PDS5B: variants seen among roughly 807,000 people sequenced by gnomAD.
The protein encoded by PDS5B is PDS5 cohesin associated factor B, also known as sister chromatid cohesion protein PDS5 homolog B.
A neutral mutation model predicts 184.1 loss-of-function variants in PDS5B; 51 were observed. The ratio of observed to expected loss-of-function variants is 0.28; its 90% CI spans 0.22 to 0.35. The LOEUF (loss-of-function observed/expected upper bound fraction) is 0.35. Ranked by LOEUF, PDS5B falls within the 10% of genes least tolerant of loss-of-function variation. The pLI is 1.00. For synonymous variants in PDS5B, 566 were observed against 569.2 expected (o/e 0.99, Z 0.08); for missense variants, 1,180 against 1,723.3 (o/e 0.68, Z 5.58).
At chr13:32,613,072 A>G (rs2140514117) in intron 1 of PDS5B, among the ~76,000 whole-genome samples, 1 of 152,320 alleles carries the variant, frequency 6.6e-6, no homozygotes, top group East Asian at 1.9e-4. Flanking sequence ...TTTAGCATGT[A>G]TCAGTACTTC....
intron 2 of PDS5B, chr13:32,650,606 T>C (rs1298544532): frequency 6.6e-6 from 1 of 152,158 alleles, no homozygotes; most frequent in Non-Finnish European, 1.5e-5. Flanking sequence ...CCTAAACATA[T>C]AGGCAATCAA....
rs1017034122 is a variant in PDS5B at position 32,675,694 on chromosome 13, T to G, written c.847-150T>G. 8.3e-5 allele frequency: 44 copies of G among 531,510 alleles called. No homozygotes were observed. The Admixed American group carries it at 1.4e-3, about 16-fold the overall frequency. The allele number at this position is 531,510 out of a possible 1,614,324, so 32.9% of individuals were successfully genotyped here. On this transcript the variant is annotated intron_variant, in intron 8 of 34. Transcript: ENST00000315596. Reference sequence around the variant, plus strand: ...ATGACATTTAATTTTGTGAAAAGTATAGTGAGCATTTTTATGTAATTTTTC... The same window carrying G: ...ATGACATTTAATTTTGTGAAAAGTAGAGTGAGCATTTTTATGTAATTTTTC...
At chr13:32,638,252 A>G (rs779098577) in intron 1 of PDS5B, among the ~76,000 whole-genome samples, 1 of 152,240 alleles carries the variant, frequency 6.6e-6, no homozygotes, top group Non-Finnish European at 1.5e-5. Context: ...AAAGAGTCAT[A>G]ACGCCATCTC....
intron 17 of PDS5B, among the ~76,000 whole-genome samples, chr13:32,701,897 T>G (rs919671683): frequency 6.6e-6 from 1 of 152,122 alleles, no homozygotes; most frequent in African/African-American, 2.4e-5. Context: ...GAAAATGTTG[T>G]TTTTTAAAAC....
intron 25 of PDS5B, among the ~76,000 whole-genome samples, chr13:32,755,020 C>T (rs1721345945): frequency 6.6e-6 from 1 of 151,798 alleles, no homozygotes; most frequent in African/African-American, 2.4e-5. Flanking sequence ...TTTTTCTTTC[C>T]ACGTCGGCCT....
chr13:32,673,207 C>T lies in PDS5B; in HGVS notation c.706-9C>T, dbSNP rs767123072. 5.0e-5 allele frequency: 81 copies of T among 1,608,576 alleles called. No homozygotes were observed. Among genetic ancestry groups the T allele is most frequent in the Non-Finnish European group, 6.7e-5 (79 of 1,178,164 alleles). The stretch of plus-strand genomic sequence containing the variant: ...TCTACTAATGATAGGCTTTCTTTCT[C>T]CTCAAAAGTTTTTTAATCAGGTTCT... On this transcript the variant is annotated splice_polypyrimidine_tract_variant and intron_variant, in intron 7 of 34. Transcript: ENST00000315596.
intron 6 of PDS5B, among the ~76,000 whole-genome samples, chr13:32,665,652 ATTTCT>A (rs1566302520): frequency 6.6e-6 from 1 of 150,420 alleles, no homozygotes; most frequent in Non-Finnish European, 1.5e-5. Context: ...ATAGGAATGA[ATTTCT>A]TAAGAAAGCT....
At chr13:32,598,641 T>C (rs1009703583) in intron 1 of PDS5B, among the ~76,000 whole-genome samples, 1 of 152,154 alleles carries the variant, frequency 6.6e-6, no homozygotes, top group African/African-American at 2.4e-5. Context: ...TTTCCTTTAA[T>C]GTTGCATAAT....
intron 8 of PDS5B, among the ~76,000 whole-genome samples, chr13:32,674,677 T>G (rs1951020332): frequency 6.6e-6 from 1 of 151,736 alleles, no homozygotes. Context: ...CCAGATATTA[T>G]AAGTGTCATA....
chr13:32,770,091 C>A (rs764525512), intron 31 of PDS5B, 30 bp from the exon 32 acceptor site: 107 of 1,541,524 alleles, frequency 6.9e-5, no homozygotes, highest in Non-Finnish European at 7.7e-5. Context: ...AATTTCATAA[C>A]CATAAATTGT....
Position 32,735,201 on chromosome 13 carries a change from C to G in PDS5B, c.2277C>G (p.Asn759Lys), listed in dbSNP as rs1390006441. 6.2e-7 allele frequency: 1 copy of G among 1,607,412 alleles called. No individual in the cohort carries two copies. Among genetic ancestry groups the G allele is most frequent in the African/African-American group, 1.3e-5 (1 of 74,900 alleles). ...TGCATAAGAGCCTAGATCCAAGCAA[C>G]CTGGAACATCTCATAACACCATTGG... Reference protein sequence around the residue: ...EPLHKSLDPSNLEHLITPLVT... With the variant: ...EPLHKSLDPSKLEHLITPLVT... Residue 759 changes from asparagine to lysine, a missense_variant, in exon 21 of 35, where the codon AAC becomes AAG. Asn to Lys is a moderately conservative substitution (Grantham distance 94). This residue lies in a region of PDS5B where 475 missense variants were observed against 691.5 expected (regional missense o/e 0.69). Coordinates refer to ENST00000315596, the MANE Select transcript of PDS5B (RefSeq NM_015032.4).
At position 32,775,689 on chromosome 13, in the gene PDS5B, T is replaced by C. The variant is rs751511144; in HGVS notation, c.*637T>C. The stretch of plus-strand genomic sequence containing the variant: ...GAGGACAACCATGCAAATTGTGAAA[T>C]AGTCCTGAAGTTCTTGGATTACTTT... On this transcript the variant is annotated 3_prime_UTR_variant, in exon 35 of 35. Coordinates refer to ENST00000315596, the MANE Select transcript of PDS5B (RefSeq NM_015032.4). The C allele has an allele frequency of 6.6e-6, 3 of 456,164 alleles. No individual in the cohort carries two copies. The highest frequency in any genetic ancestry group is 1.3e-5 in the Non-Finnish European group (3 of 226,692). 28.3% of individuals were successfully genotyped at this position (456,164 alleles called of 1,614,324 possible).
chr13:32,680,331 G>A (rs1951204659), intron 10 of PDS5B, among the ~76,000 whole-genome samples: 1 of 152,294 alleles, frequency 6.6e-6, no homozygotes, highest in South Asian at 2.1e-4. Flanking sequence ...ACATGGTTGG[G>A]TCTGTCAACT....
chr13:32,625,007 A>G (rs1348998359), intron 1 of PDS5B, among the ~76,000 whole-genome samples: 1 of 152,142 alleles, frequency 6.6e-6, no homozygotes, highest in Non-Finnish European at 1.5e-5. Flanking sequence ...ATGTGATAAC[A>G]GTTTTCTGCT....
intron 17 of PDS5B, among the ~76,000 whole-genome samples, chr13:32,706,537 GC>G (rs1952024833): frequency 1.3e-5 from 2 of 152,016 alleles, no homozygotes; most frequent in African/African-American, 4.8e-5. Flanking sequence ...GTTTGGAAGT[GC>G]TTAATGTTTC....
At chr13:32,645,766 A>T (rs894144306) in intron 1 of PDS5B, among the ~76,000 whole-genome samples, 7 of 152,188 alleles carry the variant, frequency 4.6e-5, no homozygotes, top group African/African-American at 1.4e-4. Context: ...TTATGTCTTT[A>T]GCTCTATATG....
intron 1 of PDS5B, 74 bp from the exon 2 acceptor site, chr13:32,648,680 A>C: frequency 3.0e-6 from 2 of 656,058 alleles, no homozygotes; most frequent in Non-Finnish European, 5.4e-6. Context: ...TTGGTGGGGA[A>C]GGTTACCATT....
At chr13:32,690,565 T>A (rs1951520684) in intron 13 of PDS5B, 1 of 151,964 alleles carries the variant, frequency 6.6e-6, no homozygotes, top group Non-Finnish European at 1.5e-5. Flanking sequence ...GAACAAAAAA[T>A]AATTAATGAA....
intron 17 of PDS5B, among the ~76,000 whole-genome samples, chr13:32,702,468 G>A (rs1951890627): frequency 6.6e-6 from 1 of 152,142 alleles, no homozygotes; most frequent in African/African-American, 2.4e-5. Flanking sequence ...AAAGCATAGT[G>A]TGCTGTTATA....
Sources: gnomAD v4.1 joint callset for allele counts (sites outside exome capture counted in the v4.1 genomes callset) on GRCh38, gnomAD v4.1.1 for gene constraint, gnomAD v4.1.1 regional missense constraint, MANE v1.5 for transcripts, NCBI Gene and HGNC (gene_info 2026-07-23, HGNC 2026-07-21) for gene names.